MIA2: variants seen among roughly 807,000 people sequenced by gnomAD.
MIA2 encodes melanoma inhibitory activity protein 2.
MIA2 carries 127 observed loss-of-function variants against 167.8 expected under a neutral mutation model. The ratio of observed to expected loss-of-function variants is 0.76; its 90% confidence interval spans 0.66 to 0.88. MIA2 has a LOEUF of 0.88. MIA2 is among the 40% of genes least tolerant of loss of function. The probability of loss-of-function intolerance (pLI) is 0.00; values close to 1 mark genes in which losing one functional copy is unlikely to be tolerated. For synonymous variants in MIA2, 552 were observed against 541.9 expected (o/e 1.02, Z -0.26); for missense variants, 1,690 against 1,624.7 (o/e 1.04, Z -0.69).
chr14:39,294,284 A>G (rs1327361610), intron 12 of MIA2, among the ~76,000 whole-genome samples: 2 of 151,638 alleles, frequency 1.3e-5, no homozygotes, highest in Non-Finnish European at 2.9e-5. Flanking sequence ...TGCAACCTCC[A>G]CCTCCTGGGT....
intron 26 of MIA2, 95 bp downstream of exon 26, chr14:39,346,121 A>C: frequency 9.5e-7 from 1 of 1,054,520 alleles, no homozygotes; most frequent in Non-Finnish European, 1.4e-6. Flanking sequence ...TGCTATCTCT[A>C]GTAGTTCCTA....
intron 18 of MIA2, among the ~76,000 whole-genome samples, chr14:39,309,761 A>G (rs2063904412): frequency 6.6e-6 from 1 of 152,202 alleles, no homozygotes; most frequent in East Asian, 1.9e-4. Flanking sequence ...CTAAAGCTAC[A>G]TGAGACGTGT....
At chr14:39,385,251 T>G (rs917891979) in intron 23 of MIA2, among the ~76,000 whole-genome samples, 2 of 152,168 alleles carry the variant, frequency 1.3e-5, no homozygotes, top group Non-Finnish European at 2.9e-5. Context: ...TCATTTTAAA[T>G]GATGAGGTAG....
chr14:39,282,017 C>T (rs1173520882), intron 9 of MIA2, among the ~76,000 whole-genome samples: 1 of 152,156 alleles, frequency 6.6e-6, no homozygotes, highest in Non-Finnish European at 1.5e-5. Flanking sequence ...TTAATGACTA[C>T]TGCATTATCC....
chr14:39,345,147 C>T (rs546098317), intron 25 of MIA2, among the ~76,000 whole-genome samples: 11 of 152,198 alleles, frequency 7.2e-5, no homozygotes, highest in South Asian at 2.1e-4. Flanking sequence ...GGCATGATCT[C>T]GGCTCACTGC....
At position 39,326,972 on chromosome 14, in the gene MIA2, C is replaced by G; in HGVS notation, c.3605C>G (p.Ser1202Cys). The change falls in exon 25 of 29, where the codon TCT (serine) becomes TGT (cysteine). Residue 1202 changes from serine to cysteine, a missense_variant. Transcript: ENST00000640607. ...DPHRAPSDTG[S>C]LSPPWDQDRR... ...CATAGGGCTCCCTCTGACACTGGGT[C>G]TCTGTCACCTCCATGGGACCAGGAC... 1.3e-6 allele frequency: 2 copies of G among 1,579,174 alleles called. No homozygotes were observed. The highest frequency in any genetic ancestry group is 1.7e-6 in the Non-Finnish European group (2 of 1,165,630).
chr14:39,250,085 C>T (rs968904527), intron 4 of MIA2, among the ~76,000 whole-genome samples: 1 of 152,042 alleles, frequency 6.6e-6, no homozygotes, highest in Admixed American at 6.6e-5. Flanking sequence ...TTGTTCTAAA[C>T]TTGTTAGATC....
rs1363370595 is a variant in MIA2, at chr14:39,325,723, T to C, written c.3497-1141T>C. 3.4e-5 allele frequency among the ~76,000 whole-genome samples: 5 copies of C among 147,682 alleles called. No individual in the cohort carries two copies. The East Asian group carries it at 9.9e-4, about 29-fold the overall frequency. ...AGTTGAATATGGGTTTTGTTTTTTG[T>C]TTTTTTTTGAGATGGAGTCTCACTC... On this transcript the variant is annotated intron_variant, in intron 24 of 28. Coordinates refer to ENST00000640607, the MANE Select transcript of MIA2 (RefSeq NM_001329214.4).
chr14:39,308,655 T>G (rs2063734910), intron 18 of MIA2, 68 bp downstream of exon 18: 1 of 1,190,566 alleles, frequency 8.4e-7, no homozygotes. Context: ...TGTTACATAG[T>G]TAGCTATAGT....
intron 23 of MIA2, among the ~76,000 whole-genome samples, chr14:39,356,602 G>C (rs58270193): frequency 0.03 from 4,497 of 152,138 alleles, 242 homozygotes; most frequent in African/African-American, 0.1. Flanking sequence ...GCTGGCTTTT[G>C]AATGTGTTTG....
chr14:39,267,416 C>T lies in MIA2; in HGVS notation c.1888-9518C>T, dbSNP rs372657433. ...TCTCCGCCGTTTATTGTGGCCCCGA[C>T]AGGCCGGGGTTACTGTGGCGACCAC... On this transcript the variant is annotated intron_variant, in intron 6 of 28. Coordinates refer to ENST00000640607, the MANE Select transcript of MIA2 (RefSeq NM_001329214.4). 2.7e-5 allele frequency: 44 copies of T among 1,608,978 alleles called. No individual in the cohort carries two copies. The East Asian group carries it at 6.5e-4, about 24-fold the overall frequency.
intron 23 of MIA2, among the ~76,000 whole-genome samples, chr14:39,365,742 T>C (rs1169131191): frequency 2.6e-5 from 4 of 152,172 alleles, no homozygotes; most frequent in African/African-American, 9.6e-5. Flanking sequence ...GATTTCTTTG[T>C]ATTGTTCATC....
In MIA2 at chr14:39,279,458, A is replaced by G. The variant is rs758745521; in HGVS notation, c.2051A>G (p.Lys684Arg). The change falls in exon 9 of 29, where the codon AAA (lysine) becomes AGA (arginine). Residue 684 changes from lysine to arginine, a missense_variant. Physicochemically the swap from Lys to Arg is conservative, Grantham distance 26. Transcript: ENST00000640607. ...VRSRLYVGRE[K>R]KLALMLSGLI... ...GACTTGACTTTTTTAGGACGAGAGAAAAAGCTTGCTCTAATGCTTTCTGGA... is the reference window on the plus strand; with the variant it reads ...GACTTGACTTTTTTAGGACGAGAGAGAAAGCTTGCTCTAATGCTTTCTGGA... The G allele has an allele frequency of 8.7e-6, 14 of 1,605,924 alleles. No homozygotes were observed. Among genetic ancestry groups the G allele is most frequent in the South Asian group, 7.9e-5 (7 of 88,268 alleles).
intron 6 of MIA2, chr14:39,268,943 AAAC>A (rs1291234416): frequency 1.6e-5 from 15 of 923,332 alleles, no homozygotes; most frequent in African/African-American, 1.8e-5. Context: ...TCTTCACTAA[AAAC>A]AATAATAATC....
At chr14:39,353,325 T>C (rs1199688649), downstream of MIA2, among the ~76,000 whole-genome samples, 1 of 152,194 alleles carries the variant, frequency 6.6e-6, no homozygotes, top group Non-Finnish European at 1.5e-5. Context: ...ATAACCAACC[T>C]CTCTTCATGT....
intron 6 of MIA2, among the ~76,000 whole-genome samples, chr14:39,265,103 G>A (rs924456916): frequency 2.0e-5 from 3 of 152,056 alleles, no homozygotes; most frequent in Admixed American, 6.5e-5. Flanking sequence ...GATTGTAAGA[G>A]GGTAGTAATA....
At chr14:39,321,079 T>C in intron 24 of MIA2, 23 bp downstream of exon 24, 3 of 1,587,254 alleles carry the variant, frequency 1.9e-6, no homozygotes. Context: ...AACATCTTTA[T>C]TACTCTAGAT....
chr14:39,310,223 G>C (rs1291968562), intron 18 of MIA2, among the ~76,000 whole-genome samples: 4 of 152,078 alleles, frequency 2.6e-5, no homozygotes, highest in Admixed American at 2.6e-4. Flanking sequence ...TCTTGTTTCA[G>C]CTCTCATTCT....
chr14:39,306,165 A>G (rs549853031), intron 17 of MIA2, among the ~76,000 whole-genome samples: 7 of 152,016 alleles, frequency 4.6e-5, no homozygotes, highest in Non-Finnish European at 8.8e-5. Context: ...ACAATTTCCT[A>G]TACATTTAAT....
Sources: gnomAD v4.1 joint callset for allele counts (sites outside exome capture counted in the v4.1 genomes callset) on GRCh38, gnomAD v4.1.1 for gene constraint, MANE v1.5 for transcripts, NCBI Gene and HGNC (gene_info 2026-07-23, HGNC 2026-07-21) for gene names.